CCBE1: variants seen among roughly 807,000 people sequenced by gnomAD.
CCBE1 encodes the protein collagen and calcium binding EGF domains 1.
In CCBE1, 37 loss-of-function variants were observed where a neutral mutation model predicts 50.0. That is an observed-to-expected ratio of 0.74 (90% CI 0.57 to 0.97). The LOEUF (loss-of-function observed/expected upper bound fraction) is 0.97, where lower values mean the gene tolerates loss of function less well. Ranked by LOEUF, CCBE1 falls within the 50% of genes least tolerant of loss-of-function variation. The pLI, the probability that CCBE1 is intolerant of heterozygous loss-of-function variation, is 0.00. For synonymous variants in CCBE1, 234 were observed against 203.7 expected (o/e 1.15, Z -1.27); for missense variants, 538 against 523.8 (o/e 1.03, Z -0.26).
intron 2 of CCBE1, among the ~76,000 whole-genome samples, chr18:59,661,080 CA>C (rs1253701676): frequency 6.6e-6 from 1 of 151,846 alleles, no homozygotes; most frequent in Non-Finnish European, 1.5e-5. Context: ...GATAGTCCAA[CA>C]ATATAGAGCT....
intron 1 of CCBE1, among the ~76,000 whole-genome samples, 159 bp from the exon 2 acceptor site, chr18:59,696,868 G>A (rs1404407120): frequency 6.6e-6 from 1 of 152,198 alleles, no homozygotes; most frequent in Non-Finnish European, 1.5e-5. Flanking sequence ...GCAGACTCCG[G>A]CCACAGGGAC....
chr18:59,583,328 T>C (rs2053114470), intron 2 of CCBE1, among the ~76,000 whole-genome samples: 1 of 151,904 alleles, frequency 6.6e-6, no homozygotes, highest in South Asian at 2.1e-4. Flanking sequence ...GATACAAAAT[T>C]AGAGATTCTC....
intron 2 of CCBE1, among the ~76,000 whole-genome samples, chr18:59,518,130 C>G (rs1039182242): frequency 2.6e-5 from 4 of 152,178 alleles, no homozygotes; most frequent in African/African-American, 9.7e-5. Context: ...TTTGTTTCCA[C>G]CCCCATAGCA....
chr18:59,506,837 C>T (rs1231341223), intron 2 of CCBE1, among the ~76,000 whole-genome samples: 2 of 152,220 alleles, frequency 1.3e-5, no homozygotes, highest in Admixed American at 1.3e-4. Flanking sequence ...GACAATAAAA[C>T]TGGAAAGTAT....
intron 2 of CCBE1, among the ~76,000 whole-genome samples, chr18:59,513,651 G>A (rs1370258675): frequency 6.6e-6 from 1 of 152,198 alleles, no homozygotes; most frequent in African/African-American, 2.4e-5. Context: ...TGAATCTCGA[G>A]GTGACAGAGA....
chr18:59,628,324 AAAT>A (rs1438118782), intron 2 of CCBE1, among the ~76,000 whole-genome samples: 10 of 152,364 alleles, frequency 6.6e-5, no homozygotes, highest in East Asian at 1.9e-4. Context: ...TTTTCATTAA[AAAT>A]AATAAGGAGA....
At chr18:59,472,951 G>C (rs1026549470) in intron 3 of CCBE1, among the ~76,000 whole-genome samples, 5 of 152,158 alleles carry the variant, frequency 3.3e-5, no homozygotes, top group Non-Finnish European at 7.3e-5. Flanking sequence ...CAGATCTTGT[G>C]AGACTTACCA....
At chr18:59,436,672 C>T (rs768518775) in intron 10 of CCBE1, among the ~76,000 whole-genome samples, 3 of 152,152 alleles carry the variant, frequency 2.0e-5, no homozygotes, top group Non-Finnish European at 4.4e-5. Context: ...AATACGTATT[C>T]AAAAATGTTA....
chr18:59,501,079 C>T (rs1031897786), intron 2 of CCBE1, among the ~76,000 whole-genome samples: 1 of 152,178 alleles, frequency 6.6e-6, no homozygotes, highest in Non-Finnish European at 1.5e-5. Flanking sequence ...ATTTCAATCC[C>T]CAAAGTGTGA....
chr18:59,548,861 C>T (rs1915809278), intron 2 of CCBE1, among the ~76,000 whole-genome samples: 1 of 152,056 alleles, frequency 6.6e-6, no homozygotes, highest in Non-Finnish European at 1.5e-5. Flanking sequence ...AGTATTTGTG[C>T]ATCTAAACAT....
intron 2 of CCBE1, among the ~76,000 whole-genome samples, chr18:59,646,233 A>T (rs551901002): frequency 9.1e-4 from 138 of 152,318 alleles, no homozygotes; most frequent in African/African-American, 3.0e-3. Context: ...AAAATTTAAA[A>T]GGCTATCCCG....
intron 3 of CCBE1, among the ~76,000 whole-genome samples, chr18:59,472,888 T>C (rs747887404): frequency 1.3e-5 from 2 of 152,234 alleles, no homozygotes; most frequent in Non-Finnish European, 2.9e-5. Flanking sequence ...ATGTCTTACA[T>C]GGTGGCAGAC....
At chr18:59,574,097 C>G (rs184066543) in intron 2 of CCBE1, among the ~76,000 whole-genome samples, 1 of 152,186 alleles carries the variant, frequency 6.6e-6, no homozygotes, top group African/African-American at 2.4e-5. Flanking sequence ...AGGCTACACC[C>G]AGGTGCCCAG....
intron 2 of CCBE1, among the ~76,000 whole-genome samples, chr18:59,638,776 C>T (rs2053946848): frequency 6.6e-6 from 1 of 152,122 alleles, no homozygotes; most frequent in African/African-American, 2.4e-5. Context: ...ACAAATACAA[C>T]TTTAAAAGGA....
chr18:59,539,194 C>CA (rs34047100), intron 2 of CCBE1, among the ~76,000 whole-genome samples: 1,581 of 137,592 alleles, frequency 0.011, 25 homozygotes, highest in South Asian at 0.056. Context: ...AACACACACA[C>CA]ACACACAAAA....
chr18:59,497,028 T>G (rs898253547), intron 2 of CCBE1, among the ~76,000 whole-genome samples: 3 of 152,202 alleles, frequency 2.0e-5, no homozygotes, highest in Admixed American at 2.0e-4. Context: ...TATCTCAATA[T>G]GTACCTTGTG....
chr18:59,673,855 T>G (rs772113564), intron 2 of CCBE1, among the ~76,000 whole-genome samples: 4 of 152,242 alleles, frequency 2.6e-5, no homozygotes, highest in Non-Finnish European at 4.4e-5. Flanking sequence ...AGTATTTTAT[T>G]GAGGATTTTC....
chr18:59,524,021 C>T (rs1274008222), intron 2 of CCBE1, among the ~76,000 whole-genome samples: 1 of 152,166 alleles, frequency 6.6e-6, no homozygotes, highest in Non-Finnish European at 1.5e-5. Context: ...TGGCTACAAA[C>T]TTTTAAAGCA....
chr18:59,491,838 A>AT (rs1555683264), intron 2 of CCBE1, among the ~76,000 whole-genome samples: 12 of 151,578 alleles, frequency 7.9e-5, no homozygotes, highest in Non-Finnish European at 1.3e-4. Context: ...AAACAAACAA[A>AT]AAAAAACGTT....
Sources: allele counts gnomAD v4.1 joint callset (sites outside exome capture counted in the v4.1 genomes callset), GRCh38; gene constraint gnomAD v4.1.1; transcripts MANE v1.5; gene names NCBI Gene and HGNC (gene_info 2026-07-23, HGNC 2026-07-21).